Variants in IGSF10 observed in about 807,000 individuals in gnomAD.
IGSF10 encodes the protein calvaria mechanical force protein 608.
A neutral mutation model predicts 128.2 loss-of-function variants in IGSF10; 126 were observed. The observed-to-expected ratio is 0.98, with a 90% confidence interval of 0.85 to 1.14. The LOEUF is 1.14. Among genes scored for constraint, IGSF10 ranks in the 50% most tolerant of loss-of-function variants. IGSF10 has a pLI of 0.00. For synonymous variants in IGSF10, 1,185 were observed against 1,146.2 expected (o/e 1.03, Z -0.68); for missense variants, 3,295 against 3,149.8 (o/e 1.05, Z -1.10).
chr3:151,520,432 C>T, the IGSF10 span, among the ~76,000 whole-genome samples: 746 of 151,840 alleles, frequency 4.9e-3, 7 homozygotes, highest in African/African-American at 0.017. Context: ...TTTTATTCCT[C>T]TTATGAAAAA....
the IGSF10 span, among the ~76,000 whole-genome samples, chr3:151,516,014 A>G: frequency 1.3e-5 from 2 of 152,102 alleles, no homozygotes; most frequent in South Asian, 4.1e-4. Context: ...ATTCATTTTC[A>G]CCAGATAAAG....
chr3:151,436,941 G>A lies in IGSF10; in HGVS notation c.7620C>T (p.Thr2540=), dbSNP rs1383367782. The A allele has an allele frequency of 1.2e-6, 2 of 1,614,078 alleles. No homozygotes were observed. Among genetic ancestry groups the A allele is most frequent in the Admixed American group, 3.3e-5 (2 of 59,998 alleles). The change falls in exon 8 of 8, where the codon ACC becomes ACT. Residue 2540 remains threonine, a synonymous_variant. Coordinates refer to ENST00000282466, the MANE Select transcript of IGSF10 (RefSeq NM_178822.5). ...GGAGCTGAAAGGCTGCCCCTGTCCT[G>A]GTGACAATACTCCTGGGTGGACGAT... ...ITNRPPRSIV[T]RTGAAFQLHC... is the part of the protein sequence containing the mutation.
chr3:151,460,379 G>A lies in IGSF10; in HGVS notation c.-88-32C>T, dbSNP rs112516429. ...GAGGAAAAGTTCTCTGCTCCAAAGT[G>A]AGCAAAAAGCCTTATTCTTTTTGGC... On this transcript the variant is annotated intron_variant, in intron 1 of 7. Transcript: ENST00000282466. The A allele has an allele frequency of 5.0e-3, 3,694 of 733,084 alleles. 15 individuals carry two copies. The highest frequency in any genetic ancestry group is 0.023 in the South Asian group (377 of 16,192). 45.4% of individuals were successfully genotyped at this position (733,084 alleles called of 1,614,324 possible). A position where few individuals can be genotyped will look rare whatever the true frequency, so the allele number is the denominator to read the frequency against.
At chr3:151,543,203 G>T in the IGSF10 span, among the ~76,000 whole-genome samples, 1 of 152,136 alleles carries the variant, frequency 6.6e-6, no homozygotes, top group Non-Finnish European at 1.5e-5. Flanking sequence ...TAAGTATTAG[G>T]TTCAGGGGTC....
chr3:151,537,942 A>G, the IGSF10 span, among the ~76,000 whole-genome samples: 3 of 152,186 alleles, frequency 2.0e-5, no homozygotes, highest in African/African-American at 7.2e-5. Flanking sequence ...TAGCTAGGCC[A>G]AAAGATTTGA....
chr3:151,486,701 G>T, the IGSF10 span, among the ~76,000 whole-genome samples: 17 of 152,062 alleles, frequency 1.1e-4, no homozygotes, highest in African/African-American at 4.1e-4. Flanking sequence ...ACAACCTCCT[G>T]AATGACTACT....
chr3:151,440,934 A>G (rs956630546), intron 7 of IGSF10, among the ~76,000 whole-genome samples: 12 of 152,222 alleles, frequency 7.9e-5, no homozygotes, highest in Non-Finnish European at 1.5e-5. Context: ...TTCTGCTTCA[A>G]TAGGTCTCGC....
the IGSF10 span, among the ~76,000 whole-genome samples, chr3:151,506,109 G>C: frequency 2.6e-5 from 4 of 152,100 alleles, no homozygotes; most frequent in Admixed American, 2.0e-4. Flanking sequence ...ACGCCACTAC[G>C]CTCAGCTAAT....
chr3:151,460,853 C>T, intron 1 of IGSF10, 93 bp downstream of exon 1: 2 of 827,550 alleles, frequency 2.4e-6, no homozygotes, highest in Non-Finnish European at 2.9e-6. Context: ...GCGCCCGCTT[C>T]TGCAGCCACG....
intron 7 of IGSF10, 146 bp from the exon 8 acceptor site, chr3:151,438,743 TGAGA>T: frequency 3.3e-6 from 2 of 610,462 alleles, no homozygotes; most frequent in Non-Finnish European, 2.9e-6. Context: ...CATGACATTT[TGAGA>T]GAGATATATA....
At chr3:151,465,719 C>T (rs1412245681), upstream of IGSF10, among the ~76,000 whole-genome samples, 2 of 152,132 alleles carry the variant, frequency 1.3e-5, no homozygotes, top group African/African-American at 4.8e-5. Context: ...TGACATCTGT[C>T]ATACTATCCA....
At chr3:151,456,945 A>T in intron 4 of IGSF10, 81 bp downstream of exon 4, 2 of 1,377,542 alleles carry the variant, frequency 1.5e-6, no homozygotes, top group Non-Finnish European at 2.0e-6. Context: ...CGTATTGTGT[A>T]GAGATAGGCA....
the IGSF10 span, among the ~76,000 whole-genome samples, chr3:151,576,704 G>A: frequency 6.6e-6 from 1 of 152,114 alleles, no homozygotes; most frequent in African/African-American, 2.4e-5. Context: ...TAATATATTA[G>A]CATACTAAAG....
chr3:151,516,650 TTTG>T, the IGSF10 span, among the ~76,000 whole-genome samples: 1 of 151,794 alleles, frequency 6.6e-6, no homozygotes, highest in South Asian at 2.1e-4. Flanking sequence ...AAGGGCATCA[TTTG>T]TTAAGTTCCA....
At position 151,460,570 on chromosome 3, in the gene IGSF10, C is replaced by T. The variant is rs73010425; in HGVS notation, c.-88-223G>A. Among the ~76,000 whole-genome samples, 772 of 152,324 alleles carry T rather than the reference C, an allele frequency of 5.1e-3. 8 individuals are homozygous for T. The highest frequency in any genetic ancestry group is 0.018 in the African/African-American group (747 of 41,556). On this transcript the variant is annotated intron_variant, in intron 1 of 7. Transcript: ENST00000282466. ...GGTTTTTAAATTTCCTTTCTCCTCC[C>T]TCAGTAGTGTACTTAATACTCCTTA...
chr3:151,502,281 G>GA, the IGSF10 span, among the ~76,000 whole-genome samples: 2 of 151,784 alleles, frequency 1.3e-5, no homozygotes. Flanking sequence ...ACAAGTTCAG[G>GA]AAAAAATCTT....
chr3:151,526,540 T>C, the IGSF10 span, among the ~76,000 whole-genome samples: 10 of 152,180 alleles, frequency 6.6e-5, no homozygotes, highest in South Asian at 2.1e-3. Flanking sequence ...TACCACGAAG[T>C]TTCTATTGTC....
rs865941233 is a variant in IGSF10 at position 151,438,088 on chromosome 3, GT to G, written c.6472del (p.Thr2158GlnfsTer25). ...KTNKRIKAGD[T>X]AVLDCEVTGD... ...AGTGACCTCACAGTCAAGGACAGCT[GT>G]GTCTCCAGCTTTGATTCTCTTGTTG... On this transcript the variant is annotated frameshift_variant, in exon 8 of 8. Coordinates refer to ENST00000282466, the MANE Select transcript of IGSF10 (RefSeq NM_178822.5). LOFTEE classifies it low-confidence loss of function (END_TRUNC). 1 of 1,614,078 alleles carries G rather than the reference GT, an allele frequency of 6.2e-7. No homozygotes were observed. Among genetic ancestry groups the G allele is most frequent in the African/African-American group, 1.3e-5 (1 of 74,938 alleles).
At chr3:151,611,985 A>C in the IGSF10 span, among the ~76,000 whole-genome samples, 1 of 152,168 alleles carries the variant, frequency 6.6e-6, no homozygotes, top group Non-Finnish European at 1.5e-5. Context: ...TTACATGTGG[A>C]AAGTTGTAGA....
Sources: gnomAD v4.1 joint callset for allele counts (sites outside exome capture counted in the v4.1 genomes callset) on GRCh38, gnomAD v4.1.1 for gene constraint, MANE v1.5 for transcripts, NCBI Gene and HGNC (gene_info 2026-07-23, HGNC 2026-07-21) for gene names.